The following NDUFA9 variants were observed in gnomAD, a reference collection of about 807,000 sequenced individuals.
The protein encoded by NDUFA9 is NADH dehydrogenase [ubiquinone] 1 alpha subcomplex subunit 9, mitochondrial.
Under a neutral mutation model 45.9 loss-of-function variants are expected in NDUFA9, and 23 were observed. The observed-to-expected ratio is 0.50, with a 90% CI of 0.36 to 0.71. NDUFA9 has a LOEUF of 0.71. NDUFA9 is among the 30% of genes least tolerant of loss of function. NDUFA9 has a pLI of 0.00. For missense variants in NDUFA9, 466 were observed against 488.2 expected (o/e 0.95, Z 0.43); for synonymous variants, 176 against 170.5 (o/e 1.03, Z -0.25).
Position 4,687,239 on chromosome 12 carries a change from C to A in NDUFA9, c.*131C>A. The A allele has an allele frequency of 1.2e-6, 1 of 806,836 alleles. No homozygotes were observed. Among genetic ancestry groups the A allele is most frequent in the Non-Finnish European group, 1.8e-6 (1 of 545,096 alleles). The allele number at this position is 806,836 out of a possible 1,614,324, so 50.0% of individuals were successfully genotyped here. A position where few individuals can be genotyped will look rare whatever the true frequency, so the allele number is the denominator to read the frequency against. On this transcript the variant is annotated 3_prime_UTR_variant, in exon 11 of 11. Transcript: ENST00000266544. ...TTAAAACATTTCAGGTTGAATTCTG[C>A]AGTATTTTCTTCCTTGATTTACAAA...
At position 4,654,899 on chromosome 12, in the gene NDUFA9, G is replaced by T. The variant is rs1459490911; in HGVS notation, c.295G>T (p.Asp99Tyr). The change falls in exon 3 of 11, where the codon GAC becomes TAC. Residue 99 changes from aspartate to tyrosine, a missense_variant. Transcript: ENST00000266544. ...YDIMHLRPMG[D>Y]LGQLLFLEWD... is the part of the protein sequence containing the mutation. ...CATCATGCACCTTCGTCCCATGGGT[G>T]ACCTGGGCCAGCTTCTGTTTCTGGT... 6.2e-7 allele frequency: 1 copy of T among 1,613,734 alleles called. No homozygotes were observed. Among genetic ancestry groups the T allele is most frequent in the Non-Finnish European group, 8.5e-7 (1 of 1,179,818 alleles).
intron 2 of NDUFA9, 54 bp downstream of exon 2, chr12:4,654,516 T>A: frequency 1.9e-6 from 3 of 1,570,106 alleles, no homozygotes; most frequent in Non-Finnish European, 2.6e-6. Context: ...CAGGATTGCC[T>A]GATGAGAAGC....
At position 4,686,979 on chromosome 12, in the gene NDUFA9, A is replaced by G. The variant is rs746459711; in HGVS notation, c.1005A>G (p.Leu335=). ...TDMKLPHLPG[L]EDLGIQATPL... ...TGAAATTGCCTCACCTGCCTGGCTT[A>G]GAAGACCTTGGTATTCAGGCAACAC... is the stretch of plus-strand genomic sequence containing the variant. Residue 335 remains leucine, a synonymous_variant, in exon 11 of 11, where the codon TTA becomes TTG. Coordinates refer to ENST00000266544, the MANE Select transcript of NDUFA9 (RefSeq NM_005002.5). The G allele has an allele frequency of 1.9e-6, 3 of 1,614,194 alleles. No individual in the cohort carries two copies. The Admixed American group carries it at 5.0e-5, about 27-fold the overall frequency.
intron 8 of NDUFA9, among the ~76,000 whole-genome samples, chr12:4,674,995 A>T (rs1945910314): frequency 6.6e-6 from 1 of 152,220 alleles, no homozygotes; most frequent in South Asian, 2.1e-4. Flanking sequence ...TCAAATTAGA[A>T]CTCAGGATTA....
At chr12:4,657,531 AG>A (rs1415818009) in intron 3 of NDUFA9, 1 of 497,116 alleles carries the variant, frequency 2.0e-6, no homozygotes, top group East Asian at 3.5e-5. Flanking sequence ...ACCTGAGTAA[AG>A]TGTACTGTTA....
intron 8 of NDUFA9, among the ~76,000 whole-genome samples, chr12:4,675,032 A>G (rs953952592): frequency 6.6e-5 from 10 of 152,240 alleles, no homozygotes; most frequent in African/African-American, 1.2e-4. Context: ...CTGCACAACT[A>G]CATGGAAACT....
At chr12:4,658,717 T>A (rs528729488) in intron 4 of NDUFA9, among the ~76,000 whole-genome samples, 11 of 152,290 alleles carry the variant, frequency 7.2e-5, no homozygotes, top group South Asian at 6.2e-4. Flanking sequence ...TCAACTTTTT[T>A]AAAAAAATAA....
chr12:4,679,757 G>C (rs984267529), intron 8 of NDUFA9, among the ~76,000 whole-genome samples: 1 of 152,192 alleles, frequency 6.6e-6, no homozygotes, highest in Admixed American at 6.5e-5. Flanking sequence ...AAAGGAAACG[G>C]GTAAAGAGAA....
intron 3 of NDUFA9, among the ~76,000 whole-genome samples, chr12:4,656,966 C>G (rs1945794216): frequency 6.6e-6 from 1 of 152,178 alleles, no homozygotes; most frequent in South Asian, 2.1e-4. Context: ...AGTTTGTTTT[C>G]TCTTTCCTAA....
chr12:4,683,185 A>G (rs1047756997), intron 9 of NDUFA9, among the ~76,000 whole-genome samples: 2 of 151,688 alleles, frequency 1.3e-5, no homozygotes, highest in African/African-American at 4.8e-5. Context: ...TGGAACAAAA[A>G]AAAAAAAAAG....
chr12:4,657,781 C>T lies in NDUFA9; in HGVS notation c.352C>T (p.Arg118Ter). The T allele has an allele frequency of 3.1e-6, 5 of 1,613,610 alleles. No individual in the cohort carries two copies. Among genetic ancestry groups the T allele is most frequent in the East Asian group, 4.5e-5 (2 of 44,882 alleles). ...CGCGAGAGATAAAGATTCTATCCGA[C>T]GAGTAGTACAACACAGCAATGTGGT... ...WDARDKDSIRRVVQHSNVVIN... is the reference protein window; with the variant it reads ...WDARDKDSIR The change falls in exon 4 of 11, where the codon CGA becomes TGA. Residue 118 changes from arginine (R) to a stop codon, truncating the protein, a stop_gained. Coordinates refer to ENST00000266544, the MANE Select transcript of NDUFA9 (RefSeq NM_005002.5). LOFTEE classifies it high-confidence loss of function.
At chr12:4,649,728 C>A (rs1945744707) in intron 1 of NDUFA9, among the ~76,000 whole-genome samples, 1 of 152,022 alleles carries the variant, frequency 6.6e-6, no homozygotes, top group African/African-American at 2.4e-5. Flanking sequence ...AGAATGTGTT[C>A]GGCAAAGTGC....
chr12:4,663,256 C>T (rs1312354653), intron 6 of NDUFA9, among the ~76,000 whole-genome samples: 4 of 151,640 alleles, frequency 2.6e-5, no homozygotes, highest in Admixed American at 2.6e-4. Context: ...CTTGTTTTTC[C>T]CCCTGTTGCT....
At chr12:4,685,217 A>G (rs1201030453) in intron 9 of NDUFA9, 42 bp from the exon 10 acceptor site, 4 of 1,528,784 alleles carry the variant, frequency 2.6e-6, no homozygotes, top group Non-Finnish European at 3.6e-6. Context: ...TCTTGGGCAG[A>G]GAGATGCTTA....
intron 2 of NDUFA9, 89 bp from the exon 3 acceptor site, chr12:4,654,736 C>G: frequency 8.9e-7 from 1 of 1,121,512 alleles, no homozygotes; most frequent in Non-Finnish European, 1.3e-6. Flanking sequence ...ACATACCATA[C>G]TAGAATTTAA....
chr12:4,686,905 C>T lies in NDUFA9; in HGVS notation c.964-33C>T, dbSNP rs768372365. On this transcript the variant is annotated intron_variant, in intron 10 of 10. Coordinates refer to ENST00000266544, the MANE Select transcript of NDUFA9 (RefSeq NM_005002.5). ...TAGCACTTTGTTCTCAGCCAGTTTT[C>T]AGCATTGTCTGTGGTCCTTTGTTTA... 5 of 1,601,996 alleles carry T rather than the reference C, an allele frequency of 3.1e-6. No individual in the cohort carries two copies. In the East Asian group the frequency reaches 9.0e-5, roughly 29 times the overall value.
chr12:4,675,432 AAG>A (rs577667785), intron 8 of NDUFA9, among the ~76,000 whole-genome samples: 1 of 152,192 alleles, frequency 6.6e-6, no homozygotes, highest in Non-Finnish European at 1.5e-5. Flanking sequence ...TAAAGAAGAA[AAG>A]AGAGAAGAAT....
chr12:4,661,063 A>T (rs578258599), intron 5 of NDUFA9, among the ~76,000 whole-genome samples: 1 of 152,254 alleles, frequency 6.6e-6, no homozygotes, highest in South Asian at 2.1e-4. Context: ...GCTGGTAAAA[A>T]GAGTGAGGCT....
Position 4,686,424 on chromosome 12 carries a change from GT to G in NDUFA9, c.964-499del, listed in dbSNP as rs111320780. 5.6e-3 allele frequency among the ~76,000 whole-genome samples: 763 copies of G among 135,308 alleles called. 2 individuals are homozygous for G. The highest frequency in any genetic ancestry group is 0.012 in the African/African-American group (433 of 36,488). The allele number at this position is 135,308 out of a possible 152,430, so 88.8% of individuals were successfully genotyped here. ...ACAGCTGGAGCAAAAAAAGTTACTT[GT>G]TTTTTTTTTTTTTTAATGGGCAAGG... On this transcript the variant is annotated intron_variant, in intron 10 of 10. Transcript: ENST00000266544.
Sources: allele counts gnomAD v4.1 joint callset (sites outside exome capture counted in the v4.1 genomes callset), GRCh38; gene constraint gnomAD v4.1.1; transcripts MANE v1.5; gene names NCBI Gene and HGNC (gene_info 2026-07-23, HGNC 2026-07-21).